The following TRDN variants were observed in gnomAD, a reference collection of about 807,000 sequenced individuals.
TRDN encodes the protein triadin in skeletal muscle.
TRDN carries 161 observed loss-of-function variants against 149.7 expected under a neutral mutation model. The ratio of observed to expected loss-of-function variants is 1.08; its 90% CI spans 0.95 to 1.23. The LOEUF (loss-of-function observed/expected upper bound fraction) is 1.23, where lower values mean the gene tolerates loss of function less well. Ranked by LOEUF, TRDN falls within the 50% of genes most tolerant of loss-of-function variation. The probability of loss-of-function intolerance (pLI) is 0.00; values close to 1 mark genes in which losing one functional copy is unlikely to be tolerated. For synonymous variants in TRDN, 294 were observed against 250.5 expected, an observed-to-expected ratio of 1.17 and a Z score of -1.64; for missense variants, 896 against 823.5, an observed-to-expected ratio of 1.09 and a Z score of -1.08.
intron 38 of TRDN, among the ~76,000 whole-genome samples, chr6:123,232,316 T>A (rs28690947): frequency 0.053 from 8,068 of 151,992 alleles, 635 homozygotes; most frequent in African/African-American, 0.18. Flanking sequence ...AGGGGAGAAG[T>A]GAGCAAAAGG....
At chr6:123,289,832 T>C (rs569341049) in intron 24 of TRDN, among the ~76,000 whole-genome samples, 42 of 152,170 alleles carry the variant, frequency 2.8e-4, no homozygotes, top group Non-Finnish European at 4.6e-4. Flanking sequence ...AGCTATCAAC[T>C]TGGGGGCCCC....
intron 1 of TRDN, among the ~76,000 whole-genome samples, chr6:123,575,976 G>C (rs1782834903): frequency 6.6e-6 from 1 of 152,050 alleles, no homozygotes; most frequent in Non-Finnish European, 1.5e-5. Flanking sequence ...TTACATAAAA[G>C]CATTAATTAT....
intron 23 of TRDN, among the ~76,000 whole-genome samples, chr6:123,324,474 C>A (rs774198091): frequency 5.3e-5 from 8 of 151,624 alleles, no homozygotes; most frequent in Admixed American, 4.0e-4. Flanking sequence ...AAAAACAAAA[C>A]GAAACAAAAT....
At chr6:123,455,369 T>G (rs1776046615) in intron 10 of TRDN, among the ~76,000 whole-genome samples, 1 of 148,908 alleles carries the variant, frequency 6.7e-6, no homozygotes. Flanking sequence ...CTGTTCTTTC[T>G]CACTTTCTAT....
chr6:123,268,674 T>C (rs888045116), intron 31 of TRDN, among the ~76,000 whole-genome samples: 3 of 151,964 alleles, frequency 2.0e-5, no homozygotes, highest in African/African-American at 7.2e-5. Flanking sequence ...CTGAAGTAGG[T>C]GGGAAGATGT....
At chr6:123,382,893 T>C (rs575121524) in intron 14 of TRDN, among the ~76,000 whole-genome samples, 1 of 152,178 alleles carries the variant, frequency 6.6e-6, no homozygotes, top group South Asian at 2.1e-4. Context: ...TGTTTTAAGA[T>C]TGAAGCACCT....
At chr6:123,460,622 C>A (rs1427302926) in intron 10 of TRDN, among the ~76,000 whole-genome samples, 1 of 151,760 alleles carries the variant, frequency 6.6e-6, no homozygotes, top group Non-Finnish European at 1.5e-5. Context: ...AAATTGAGGC[C>A]AAATTTCTAT....
At chr6:123,368,352 A>C (rs546491369) in intron 19 of TRDN, among the ~76,000 whole-genome samples, 1 of 152,226 alleles carries the variant, frequency 6.6e-6, no homozygotes, top group Non-Finnish European at 1.5e-5. Flanking sequence ...CTATTTTTGC[A>C]CACAGTTATC....
chr6:123,617,661 G>C (rs1406485827), intron 1 of TRDN, among the ~76,000 whole-genome samples: 1 of 152,090 alleles, frequency 6.6e-6, no homozygotes, highest in South Asian at 2.1e-4. Flanking sequence ...CTCCTTTTTA[G>C]TTTCAGATTG....
chr6:123,281,534 C>T (rs1442518825), intron 24 of TRDN, among the ~76,000 whole-genome samples: 4 of 152,032 alleles, frequency 2.6e-5, no homozygotes, highest in African/African-American at 9.7e-5. Context: ...AAGGATAATA[C>T]ATAGTCATAT....
intron 38 of TRDN, among the ~76,000 whole-genome samples, chr6:123,243,474 T>C (rs1776063791): frequency 6.6e-6 from 1 of 152,146 alleles, no homozygotes; most frequent in Non-Finnish European, 1.5e-5. Flanking sequence ...ATCAAAATAC[T>C]GATTTCAAAG....
At chr6:123,370,019 ACT>A (rs1166217873) in intron 19 of TRDN, among the ~76,000 whole-genome samples, 6 of 151,538 alleles carry the variant, frequency 4.0e-5, no homozygotes, top group Non-Finnish European at 5.9e-5. Flanking sequence ...CTATCCTCTC[ACT>A]CTCTGTTTTT....
At chr6:123,352,692 CA>C (rs1434528558) in intron 20 of TRDN, 106 bp from the exon 21 acceptor site, 1 of 1,409,430 alleles carries the variant, frequency 7.1e-7, no homozygotes, top group African/African-American at 1.5e-5. Context: ...TTCTTTTACA[CA>C]AGTTATTTTG....
chr6:123,610,301 C>T (rs1784736303), intron 1 of TRDN, among the ~76,000 whole-genome samples: 1 of 152,204 alleles, frequency 6.6e-6, no homozygotes, highest in African/African-American at 2.4e-5. Flanking sequence ...GAATTTCTTT[C>T]TTCCCTTAAA....
intron 19 of TRDN, among the ~76,000 whole-genome samples, chr6:123,367,617 G>A (rs1333576198): frequency 6.6e-6 from 1 of 152,186 alleles, no homozygotes; most frequent in Admixed American, 6.5e-5. Context: ...CAGACTCCTG[G>A]CTGTTTTATA....
intron 1 of TRDN, among the ~76,000 whole-genome samples, chr6:123,604,836 CAGT>C (rs2114660905): frequency 6.6e-6 from 1 of 151,674 alleles, no homozygotes; most frequent in Admixed American, 6.6e-5. Flanking sequence ...AATAAACAGA[CAGT>C]GGTGTCATTC....
At chr6:123,238,983 G>C (rs1177133363) in intron 38 of TRDN, among the ~76,000 whole-genome samples, 1 of 152,108 alleles carries the variant, frequency 6.6e-6, no homozygotes, top group Non-Finnish European at 1.5e-5. Flanking sequence ...TGGAACTACA[G>C]GCACACACCA....
chr6:123,497,954 T>G (rs992997253), intron 8 of TRDN, among the ~76,000 whole-genome samples: 1 of 142,718 alleles, frequency 7.0e-6, no homozygotes, highest in Non-Finnish European at 1.5e-5. Context: ...AAACATCATT[T>G]TGGGCAGACC....
At chr6:123,315,828 C>T (rs1286833625) in intron 24 of TRDN, among the ~76,000 whole-genome samples, 1 of 151,902 alleles carries the variant, frequency 6.6e-6, no homozygotes, top group Admixed American at 6.6e-5. Flanking sequence ...TCATCACTAG[C>T]CTTGAGTGCC....
Sources: allele counts gnomAD v4.1 joint callset (sites outside exome capture counted in the v4.1 genomes callset), GRCh38; gene constraint gnomAD v4.1.1; transcripts MANE v1.5; gene names NCBI Gene and HGNC (gene_info 2026-07-23, HGNC 2026-07-21).